DLGAP1: variants seen among roughly 807,000 people sequenced by gnomAD.
DLGAP1 encodes disks large-associated protein 1.
A neutral mutation model predicts 90.8 loss-of-function variants in DLGAP1; 11 were observed. The observed-to-expected ratio is 0.12, with a 90% CI of 0.08 to 0.20. The LOEUF (loss-of-function observed/expected upper bound fraction) is 0.20, where lower values mean the gene tolerates loss of function less well. Ranked by LOEUF, DLGAP1 falls within the 10% of genes least tolerant of loss-of-function variation. The pLI, the probability that DLGAP1 is intolerant of heterozygous loss-of-function variation, is 1.00. For missense variants in DLGAP1, 1,050 were observed against 1,333.8 expected, an observed-to-expected ratio of 0.79 and a Z score of 3.31; for synonymous variants, 558 against 540.7, an observed-to-expected ratio of 1.03 and a Z score of -0.44.
chr18:4,117,814 G>A (rs907990225), intron 2 of DLGAP1, among the ~76,000 whole-genome samples: 1 of 152,142 alleles, frequency 6.6e-6, no homozygotes, highest in Non-Finnish European at 1.5e-5. Flanking sequence ...TGCTTTCCTA[G>A]GAGTTGCCTC....
At chr18:3,945,064 C>T (rs1048467268) in intron 3 of DLGAP1, among the ~76,000 whole-genome samples, 11 of 152,166 alleles carry the variant, frequency 7.2e-5, no homozygotes, top group Admixed American at 2.0e-4. Context: ...CATTGAAAGC[C>T]AGGTTCTGGG....
Position 3,743,597 on chromosome 18 carries a change from G to A in DLGAP1, c.1173-1085C>T, listed in dbSNP as rs183937253. 1.9e-3 allele frequency among the ~76,000 whole-genome samples: 286 copies of A among 151,810 alleles called. 1 individual carries two copies. Among genetic ancestry groups the A allele is most frequent in the Non-Finnish European group, 3.4e-3 (229 of 67,958 alleles). ...TCTCGATCTCCTGACCTCGTGATCC[G>A]CCCACCTCGGCCTCCCAAAGTGCTG... On this transcript the variant is annotated intron_variant, in intron 5 of 12. Coordinates refer to ENST00000315677, the MANE Select transcript of DLGAP1 (RefSeq NM_004746.4).
At chr18:4,368,498 G>A (rs2081829959) in intron 1 of DLGAP1, among the ~76,000 whole-genome samples, 1 of 152,136 alleles carries the variant, frequency 6.6e-6, no homozygotes, top group Non-Finnish European at 1.5e-5. Context: ...AAGGAATTCT[G>A]CCAGCAGACA....
At chr18:3,705,724 T>G (rs1032920855) in intron 7 of DLGAP1, among the ~76,000 whole-genome samples, 25 of 151,718 alleles carry the variant, frequency 1.6e-4, no homozygotes, top group Middle Eastern at 3.2e-3. Flanking sequence ...AGTGGCTCGA[T>G]CTCGGCTCAC....
chr18:3,696,203 G>C (rs2061085979), intron 7 of DLGAP1, among the ~76,000 whole-genome samples: 3 of 152,132 alleles, frequency 2.0e-5, no homozygotes, highest in Admixed American at 1.3e-4. Context: ...TCTCTTGCCT[G>C]ATTGCCCTGG....
intron 7 of DLGAP1, among the ~76,000 whole-genome samples, chr18:3,713,641 T>A (rs941659330): frequency 1.3e-5 from 2 of 152,218 alleles, no homozygotes; most frequent in Non-Finnish European, 2.9e-5. Context: ...TATACTTCTA[T>A]TTTCAGAATT....
intron 7 of DLGAP1, chr18:3,606,763 A>G (rs895533740): frequency 2.6e-5 from 4 of 152,180 alleles, no homozygotes; most frequent in Non-Finnish European, 4.4e-5. Context: ...CACCTGCATT[A>G]TTTTGTAATT....
rs143959206 is a variant in DLGAP1 at position 4,054,818 on chromosome 18, A to G, written c.-158-49617T>C. On this transcript the variant is annotated intron_variant, in intron 2 of 12. Transcript: ENST00000315677. The stretch of plus-strand genomic sequence containing the variant: ...AATTACATATTACTCACTGAAAATA[A>G]CATTTTCTTCAGTGTATACTTGAGC... 1.6e-4 allele frequency among the ~76,000 whole-genome samples: 24 copies of G among 152,326 alleles called. No individual in the cohort carries two copies. In the East Asian group the frequency reaches 3.7e-3, roughly 23 times the overall value.
At chr18:4,308,991 T>C (rs924996593) in intron 1 of DLGAP1, among the ~76,000 whole-genome samples, 9 of 152,252 alleles carry the variant, frequency 5.9e-5, no homozygotes, top group African/African-American at 1.7e-4. Flanking sequence ...GTGGTCATTA[T>C]AACAACTAAG....
At chr18:4,366,210 G>A (rs1227565577) in intron 1 of DLGAP1, among the ~76,000 whole-genome samples, 1 of 152,016 alleles carries the variant, frequency 6.6e-6, no homozygotes, top group African/African-American at 2.4e-5. Flanking sequence ...ATTCATCTGG[G>A]TCCTAAATAC....
chr18:3,939,459 AAAAC>A (rs1400843109), intron 3 of DLGAP1, among the ~76,000 whole-genome samples: 2 of 150,860 alleles, frequency 1.3e-5, no homozygotes, highest in African/African-American at 4.9e-5. Context: ...AAACACCAAA[AAAAC>A]AAACAAACAA....
chr18:4,059,461 T>C (rs548771249), intron 2 of DLGAP1, among the ~76,000 whole-genome samples: 2 of 152,290 alleles, frequency 1.3e-5, no homozygotes, highest in African/African-American at 4.8e-5. Context: ...CCGCCGCACC[T>C]GGCACTTTGG....
intron 4 of DLGAP1, among the ~76,000 whole-genome samples, chr18:3,868,588 C>T (rs944619916): frequency 2.0e-5 from 3 of 152,050 alleles, no homozygotes; most frequent in African/African-American, 7.2e-5. Flanking sequence ...CTTTTATAAC[C>T]AAAAATGGCA....
intron 3 of DLGAP1, among the ~76,000 whole-genome samples, chr18:3,901,748 T>G (rs1468216618): frequency 6.6e-6 from 1 of 152,204 alleles, no homozygotes; most frequent in African/African-American, 2.4e-5. Flanking sequence ...CCAAATGGGT[T>G]ATTACATTAG....
At chr18:3,749,479 TCCAGC>T (rs1170762021) in intron 5 of DLGAP1, among the ~76,000 whole-genome samples, 2 of 152,120 alleles carry the variant, frequency 1.3e-5, no homozygotes, top group East Asian at 3.9e-4. Context: ...TCTTGGGGAA[TCCAGC>T]CTGGATTCTC....
intron 2 of DLGAP1, among the ~76,000 whole-genome samples, chr18:4,021,818 C>T (rs1312697538): frequency 6.6e-6 from 1 of 152,116 alleles, no homozygotes; most frequent in African/African-American, 2.4e-5. Context: ...AGGCTGGTCT[C>T]AAACTCCTGA....
intron 7 of DLGAP1, among the ~76,000 whole-genome samples, chr18:3,703,282 G>A (rs1015849320): frequency 6.6e-6 from 1 of 152,222 alleles, no homozygotes; most frequent in Non-Finnish European, 1.5e-5. Context: ...GAGAGCCTTT[G>A]ATTCACGTGC....
chr18:4,296,321 AAC>A lies in DLGAP1; in HGVS notation c.-266-145036_-266-145035del, dbSNP rs575684980. Among the ~76,000 whole-genome samples the A allele has an allele frequency of 2.3e-4, 35 of 152,252 alleles. No individual in the cohort carries two copies. In the South Asian group the frequency reaches 7.3e-3, roughly 32 times the overall value. On this transcript the variant is annotated intron_variant, in intron 1 of 12. Transcript: ENST00000315677. Reference sequence around the variant, plus strand: ...GTACACACAGGTGCACACACACAGAAACACATACACACACACAAATAAAGAGG... The same window carrying A: ...GTACACACAGGTGCACACACACAGAAACATACACACACACAAATAAAGAGG...
chr18:3,583,180 A>ACATT (rs1814219807), intron 7 of DLGAP1, among the ~76,000 whole-genome samples: 2 of 132,806 alleles, frequency 1.5e-5, no homozygotes, highest in African/African-American at 6.3e-5. Context: ...CTACCTACCT[A>ACATT]CCTACCTTCC....
Sources: gnomAD v4.1 joint callset for allele counts (sites outside exome capture counted in the v4.1 genomes callset) on GRCh38, gnomAD v4.1.1 for gene constraint, MANE v1.5 for transcripts, NCBI Gene and HGNC (gene_info 2026-07-23, HGNC 2026-07-21) for gene names.